Variants in SDK2 observed in about 807,000 individuals in gnomAD.
The protein encoded by SDK2 is protein sidekick-2.
SDK2 carries 105 observed loss-of-function variants against 253.9 expected under a neutral mutation model. That is an observed-to-expected ratio of 0.41 (90% CI 0.35 to 0.49). The LOEUF (loss-of-function observed/expected upper bound fraction) is 0.49, where lower values mean the gene tolerates loss of function less well. Ranked by LOEUF, SDK2 falls within the 20% of genes least tolerant of loss-of-function variation. The pLI is 0.06. For missense variants in SDK2, 2,608 were observed against 3,003.0 expected (o/e 0.87, Z 3.07); for synonymous variants, 1,249 against 1,234.9 (o/e 1.01, Z -0.24).
At chr17:73,457,274 CCTTCCTTCCTT>C (rs2063533921) in intron 3 of SDK2, among the ~76,000 whole-genome samples, 7 of 53,686 alleles carry the variant, frequency 1.3e-4, no homozygotes, top group Admixed American at 6.3e-4. Flanking sequence ...TTCCTTCCTT[CCTTCCTTCCTT>C]CCCCCCTCCC....
chr17:73,414,795 G>C (rs1171543450), intron 17 of SDK2, 36 bp from the exon 18 acceptor site: 1 of 1,319,732 alleles, frequency 7.6e-7, no homozygotes. Flanking sequence ...GGGTGGAGGG[G>C]GCCCAGTCAG....
rs770844185 is a variant in SDK2 at position 73,352,580 on chromosome 17, G to T, written c.5651C>A (p.Thr1884Lys). The T allele has an allele frequency of 6.2e-7, 1 of 1,614,036 alleles. No homozygotes were observed. Among genetic ancestry groups the T allele is most frequent in the Non-Finnish European group, 8.5e-7 (1 of 1,179,890 alleles). Residue 1884 changes from threonine to lysine, a missense_variant, in exon 41 of 45, where the codon ACG becomes AAG. This residue lies in a region of SDK2 where 1,103 missense variants were observed against 1,143.9 expected (regional missense o/e 0.96). Coordinates refer to ENST00000392650, the MANE Select transcript of SDK2 (RefSeq NM_001144952.2). The surrounding 1 kb of genome is among the most constrained non-coding windows in gnomAD (Gnocchi z 4.1). ...KDIPKEVSSY[T>K]FSMDILKPGV... ...CGGCTTCAGGATGTCCATGCTGAAC[G>T]TGTAGGAGCTCACCTCCTTGGGGAT...
At chr17:73,392,368 C>T (rs952038888) in intron 27 of SDK2, among the ~76,000 whole-genome samples, 1 of 151,920 alleles carries the variant, frequency 6.6e-6, no homozygotes, top group African/African-American at 2.4e-5. Context: ...CTCCCGGGTT[C>T]AAGCGATTCT....
At position 73,383,848 on chromosome 17, in the gene SDK2, AT is replaced by A. The variant is rs762829089; in HGVS notation, c.4705+27del. The A allele has an allele frequency of 3.7e-5, 59 of 1,612,918 alleles. 1 individual carries two copies. The East Asian group carries it at 6.2e-4, about 17-fold the overall frequency. Reference sequence around the variant, plus strand: ...GAGGGTGACCGCCCCCATCCCACCCATTCCTCTGGCTCCCAAGTGTCACTCA... The same window carrying A: ...GAGGGTGACCGCCCCCATCCCACCCATCCTCTGGCTCCCAAGTGTCACTCA... On this transcript the variant is annotated intron_variant, in intron 33 of 44. Transcript: ENST00000392650. The surrounding 1 kb of genome is among the most constrained non-coding windows in gnomAD (Gnocchi z 4.3).
chr17:73,593,840 A>C (rs947428279), intron 1 of SDK2, among the ~76,000 whole-genome samples: 3 of 152,072 alleles, frequency 2.0e-5, no homozygotes, highest in Non-Finnish European at 4.4e-5. Context: ...CTGGCTCCTC[A>C]CTTACCCTCC....
intron 2 of SDK2, among the ~76,000 whole-genome samples, chr17:73,490,549 G>GTTT (rs767658702): frequency 7.3e-6 from 1 of 136,850 alleles, no homozygotes. Context: ...TTTGAGATGG[G>GTTT]TTTTTTTTTT....
chr17:73,454,866 G>A (rs1190822055), intron 4 of SDK2, among the ~76,000 whole-genome samples: 1 of 152,038 alleles, frequency 6.6e-6, no homozygotes, highest in Non-Finnish European at 1.5e-5. Flanking sequence ...ACCATGCCCA[G>A]CTAATTTTTG....
intron 1 of SDK2, chr17:73,519,147 T>C (rs1419782366): frequency 6.6e-6 from 1 of 152,256 alleles, no homozygotes; most frequent in African/African-American, 2.4e-5. Context: ...GTCTACCTCC[T>C]TGGTCAGCGA....
intron 3 of SDK2, among the ~76,000 whole-genome samples, chr17:73,457,433 C>T (rs888523130): frequency 6.6e-6 from 1 of 150,928 alleles, no homozygotes; most frequent in Non-Finnish European, 1.5e-5. Flanking sequence ...TCACTGCAAC[C>T]TCTGCCTCCC....
intron 2 of SDK2, among the ~76,000 whole-genome samples, chr17:73,503,361 C>T (rs570769507): frequency 3.9e-5 from 6 of 152,242 alleles, no homozygotes; most frequent in South Asian, 2.1e-4. Context: ...CATGGTTCTG[C>T]GGGTAAATGC....
rs552371744 is a variant in SDK2 at position 73,583,406 on chromosome 17, G to A, written c.64+60619C>T. On this transcript the variant is annotated intron_variant, in intron 1 of 44. Coordinates refer to ENST00000392650, the MANE Select transcript of SDK2 (RefSeq NM_001144952.2). ...CTTTGGGCTGCTGGGGGTCTGCTAC[G>A]AGGGTGGAATTCTCCCTTCTGGAAC... 1.9e-4 allele frequency among the ~76,000 whole-genome samples: 29 copies of A among 152,264 alleles called. No homozygotes were observed. In the East Asian group the frequency reaches 2.7e-3, roughly 14 times the overall value.
chr17:73,451,339 T>A (rs1237609424), intron 4 of SDK2, among the ~76,000 whole-genome samples: 1 of 152,134 alleles, frequency 6.6e-6, no homozygotes, highest in Non-Finnish European at 1.5e-5. Context: ...AAACCCTGTA[T>A]CTACTAAAAA....
rs535616524 is a variant in SDK2 at position 73,590,153 on chromosome 17, A to G, written c.64+53872T>C. ...TGAGGGCCTTTGAGAAGGGGGAGGC[A>G]ATTGACGAAAGAAGACATTTAGCAA... is the stretch of plus-strand genomic sequence containing the variant. On this transcript the variant is annotated intron_variant, in intron 1 of 44. Coordinates refer to ENST00000392650, the MANE Select transcript of SDK2 (RefSeq NM_001144952.2). Among the ~76,000 whole-genome samples the G allele has an allele frequency of 2.6e-4, 39 of 152,314 alleles. 1 individual carries two copies. The South Asian group carries it at 7.9e-3, about 31-fold the overall frequency.
chr17:73,447,754 A>C lies in SDK2; in HGVS notation c.480-6T>G. 6.4e-7 allele frequency: 1 copy of C among 1,551,554 alleles called. No individual in the cohort carries two copies. The highest frequency in any genetic ancestry group is 8.7e-7 in the Non-Finnish European group (1 of 1,146,958). On this transcript the variant is annotated splice_polypyrimidine_tract_variant and splice_region_variant and intron_variant, in intron 4 of 44. Coordinates refer to ENST00000392650, the MANE Select transcript of SDK2 (RefSeq NM_001144952.2). The surrounding 1 kb of genome is among the most constrained non-coding windows in gnomAD (Gnocchi z 4.0). Reference sequence around the variant, plus strand: ...TGTTCTCCAGCGTGATGGCTCTGGGAAGAGGAAAAGGATTCCTCTGACAGG... The same window carrying C: ...TGTTCTCCAGCGTGATGGCTCTGGGCAGAGGAAAAGGATTCCTCTGACAGG...
chr17:73,630,920 T>G (rs373241996), intron 1 of SDK2, among the ~76,000 whole-genome samples: 1 of 151,882 alleles, frequency 6.6e-6, no homozygotes, highest in African/African-American at 2.4e-5. Flanking sequence ...TCTTGGTGGT[T>G]TCCAGCACTT....
chr17:73,579,379 C>T (rs1410112265), intron 1 of SDK2, among the ~76,000 whole-genome samples: 1 of 152,182 alleles, frequency 6.6e-6, no homozygotes, highest in African/African-American at 2.4e-5. Flanking sequence ...GAATCTTCCT[C>T]ATGCTCTTGC....
At chr17:73,345,368 C>T (rs1471302723) in intron 44 of SDK2, among the ~76,000 whole-genome samples, 1 of 152,020 alleles carries the variant, frequency 6.6e-6, no homozygotes, top group Non-Finnish European at 1.5e-5. Context: ...CCACTTTCTT[C>T]CTCAGGTTGC....
At chr17:73,458,243 C>T (rs943568217) in intron 3 of SDK2, among the ~76,000 whole-genome samples, 12 of 152,182 alleles carry the variant, frequency 7.9e-5, no homozygotes, top group African/African-American at 2.9e-4. Flanking sequence ...TGTGCCCAGA[C>T]CAGACCTGAG....
At chr17:73,417,039 G>A (rs570154583) in intron 16 of SDK2, among the ~76,000 whole-genome samples, 7 of 152,184 alleles carry the variant, frequency 4.6e-5, no homozygotes, top group East Asian at 1.9e-4. Flanking sequence ...CGTGTTAATC[G>A]ACTGGTTATA....
Sources: allele counts gnomAD v4.1 joint callset (sites outside exome capture counted in the v4.1 genomes callset), GRCh38; gene constraint gnomAD v4.1.1; regional missense constraint gnomAD v4.1.1; non-coding constraint Gnocchi (gnomAD v3.1); transcripts MANE v1.5; gene names NCBI Gene and HGNC (gene_info 2026-07-23, HGNC 2026-07-21).